The following CASP6 variants were observed in gnomAD, a reference collection of about 807,000 sequenced individuals.
CASP6 encodes the protein caspase 6, also known as caspase-6.
In CASP6, 20 loss-of-function variants were observed where a neutral mutation model predicts 31.8. The ratio of observed to expected loss-of-function variants is 0.63; its 90% confidence interval spans 0.44 to 0.91. The LOEUF (loss-of-function observed/expected upper bound fraction) is 0.91. Ranked by LOEUF, CASP6 falls within the 40% of genes least tolerant of loss-of-function variation. The pLI is 0.00. For synonymous variants in CASP6, 130 were observed against 127.8 expected, an observed-to-expected ratio of 1.02 and a Z score of -0.12; for missense variants, 328 against 361.1, an observed-to-expected ratio of 0.91 and a Z score of 0.74.
the CASP6 span, among the ~76,000 whole-genome samples, chr4:109,682,076 T>C: frequency 2.3e-4 from 4 of 17,658 alleles, no homozygotes; most frequent in South Asian, 2.7e-3. Context: ...GTGAGTTCTC[T>C]GGTTGGGTGT....
chr4:109,687,842 G>T (rs1729886140), downstream of CASP6: 2 of 452,726 alleles, frequency 4.4e-6, no homozygotes, highest in South Asian at 2.8e-5. Context: ...ATCCTTGTCA[G>T]CTTGTCCCAC....
At chr4:109,664,720 A>T in the CASP6 span, among the ~76,000 whole-genome samples, 1 of 152,128 alleles carries the variant, frequency 6.6e-6, no homozygotes, top group African/African-American at 2.4e-5. Context: ...TTATCAGATG[A>T]CCAAGAAGTC....
At chr4:109,698,943 T>A (rs1178860295) in intron 1 of CASP6, among the ~76,000 whole-genome samples, 1 of 152,186 alleles carries the variant, frequency 6.6e-6, no homozygotes, top group Admixed American at 6.5e-5. Context: ...TCCACTGAAT[T>A]CCTCTCTACT....
chr4:109,707,798 A>G (rs927675959), upstream of CASP6, among the ~76,000 whole-genome samples: 3 of 152,154 alleles, frequency 2.0e-5, no homozygotes, highest in African/African-American at 7.2e-5. Flanking sequence ...TGGGGAGAGC[A>G]TGTTGTCCTA....
At chr4:109,682,712 C>T in the CASP6 span, 1 of 1,613,730 alleles carries the variant, frequency 6.2e-7, no homozygotes, top group Admixed American at 1.7e-5. Context: ...AAATTGACCA[C>T]CTGAAGGAAC....
the CASP6 span, among the ~76,000 whole-genome samples, chr4:109,677,802 A>ATTTTTTTTTTTTTTT: frequency 1.2e-5 from 1 of 86,606 alleles, no homozygotes; most frequent in African/African-American, 4.7e-5. Flanking sequence ...AAGGAAACAA[A>ATTTTTTTTTTTTTTT]TTTTTTTTTT....
rs142810685 is a variant in CASP6 at position 109,697,636 on chromosome 4, G to A, written c.216C>T (p.Asp72=). 6.8e-6 allele frequency: 11 copies of A among 1,608,996 alleles called. No individual in the cohort carries two copies. Among genetic ancestry groups the A allele is most frequent in the Non-Finnish European group, 9.3e-6 (11 of 1,178,426 alleles). ...PERRGTCADR[D]NLTRRFSDLG... ...AAAACTACTACCTGCGGGTAAGATT[G>A]TCTCTATCTGCGCAGGTGCCCCGCC... is the stretch of plus-strand genomic sequence containing the variant. Residue 72 remains aspartate, a synonymous_variant, in exon 3 of 7, where the codon GAC becomes GAT. Transcript: ENST00000265164.
chr4:109,692,419 T>C (rs992483841), intron 5 of CASP6: 4 of 152,192 alleles, frequency 2.6e-5, no homozygotes, highest in African/African-American at 9.7e-5. Flanking sequence ...TTACCAAGAA[T>C]CTAAGGCATA....
intron 2 of CASP6, 123 bp from the exon 3 acceptor site, chr4:109,697,891 G>T: frequency 9.3e-7 from 1 of 1,079,744 alleles, no homozygotes; most frequent in Non-Finnish European, 1.3e-6. Flanking sequence ...ATGTTCCATG[G>T]GTGTGCTCCA....
intron 1 of CASP6, among the ~76,000 whole-genome samples, chr4:109,701,946 A>G (rs1344995814): frequency 6.6e-6 from 1 of 152,188 alleles, no homozygotes; most frequent in Non-Finnish European, 1.5e-5. Context: ...ACTTTGTTCA[A>G]CTTCCCAAAC....
upstream of CASP6, chr4:109,703,729 C>G (rs895935375): frequency 1.5e-5 from 7 of 460,684 alleles, no homozygotes; most frequent in Non-Finnish European, 2.7e-5. Flanking sequence ...CCGCCTAGCC[C>G]GAGGCAATTT....
chr4:109,708,669 C>T, the CASP6 span, among the ~76,000 whole-genome samples: 1 of 152,176 alleles, frequency 6.6e-6, no homozygotes, highest in Admixed American at 6.5e-5. Context: ...CTGAAAAGAG[C>T]AGATGGAAGG....
chr4:109,682,905 G>T, the CASP6 span: 2 of 567,354 alleles, frequency 3.5e-6, no homozygotes, highest in African/African-American at 3.8e-5. Flanking sequence ...TCATTTTTCA[G>T]ATGAGGAAAC....
the CASP6 span, among the ~76,000 whole-genome samples, chr4:109,675,095 A>G: frequency 2.6e-5 from 4 of 152,176 alleles, no homozygotes; most frequent in African/African-American, 9.6e-5. Context: ...CATGTCAAAA[A>G]GAAAAAAAAG....
chr4:109,696,086 A>G (rs534670197), intron 4 of CASP6, among the ~76,000 whole-genome samples: 23 of 152,298 alleles, frequency 1.5e-4, no homozygotes, highest in Admixed American at 1.4e-3. Flanking sequence ...AGTCAATGAG[A>G]AAATGAGCCT....
At chr4:109,685,338 TACA>T (rs765523148), downstream of CASP6, 69 of 1,563,562 alleles carry the variant, frequency 4.4e-5, no homozygotes, top group Non-Finnish European at 5.1e-5. Flanking sequence ...TGTGCAGCAA[TACA>T]ACAAGTTAAA....
At chr4:109,684,072 T>C (rs2126152739), downstream of CASP6, among the ~76,000 whole-genome samples, 1 of 151,634 alleles carries the variant, frequency 6.6e-6, no homozygotes, top group East Asian at 1.9e-4. Flanking sequence ...TTTCTTTTTT[T>C]TTTTTTTTGA....
chr4:109,694,462 A>G (rs1012093208), intron 5 of CASP6, 63 bp downstream of exon 5: 20 of 1,389,800 alleles, frequency 1.4e-5, no homozygotes, highest in Middle Eastern at 4.1e-4. Context: ...TGGCTTTTAG[A>G]CCTTTATCAC....
In CASP6 at chr4:109,689,302, G is replaced by C; in HGVS notation, c.*28C>G. ...GGCTGAGAAAGCCATTTTCAATACA[G>C]AGTGTAAAATTAGATAGCCTCTATT... On this transcript the variant is annotated 3_prime_UTR_variant, in exon 7 of 7. Transcript: ENST00000265164. 1.3e-6 allele frequency: 2 copies of C among 1,596,986 alleles called. No homozygotes were observed. Among genetic ancestry groups the C allele is most frequent in the Non-Finnish European group, 1.7e-6 (2 of 1,165,462 alleles).
Sources: gnomAD v4.1 joint callset for allele counts (sites outside exome capture counted in the v4.1 genomes callset) on GRCh38, gnomAD v4.1.1 for gene constraint, MANE v1.5 for transcripts, NCBI Gene and HGNC (gene_info 2026-07-23, HGNC 2026-07-21) for gene names.